Variants in SLX4IP observed in about 807,000 individuals in gnomAD.
SLX4IP encodes SLX4 interacting protein.
SLX4IP carries 34 observed loss-of-function variants against 32.9 expected under a neutral mutation model. That is an observed-to-expected ratio of 1.03 (90% CI 0.79 to 1.38). SLX4IP has a LOEUF of 1.38. SLX4IP is among the 40% of genes most tolerant of loss of function. SLX4IP has a pLI of 0.00. For synonymous variants in SLX4IP, 172 were observed against 171.7 expected (o/e 1.00, Z -0.01); for missense variants, 444 against 479.0 (o/e 0.93, Z 0.68).
chr20:10,511,881 A>C (rs1179500515), intron 2 of SLX4IP, among the ~76,000 whole-genome samples: 1 of 152,234 alleles, frequency 6.6e-6, no homozygotes, highest in Non-Finnish European at 1.5e-5. Context: ...ATGAAACTAA[A>C]ATTTATTGAA....
At chr20:10,609,042 C>T (rs563551811) in intron 6 of SLX4IP, among the ~76,000 whole-genome samples, 98 of 152,192 alleles carry the variant, frequency 6.4e-4, no homozygotes, top group Middle Eastern at 3.4e-3. Context: ...AAACTTGTGA[C>T]CTTCAGTGGG....
chr20:10,572,391 A>C (rs924026100), intron 4 of SLX4IP, among the ~76,000 whole-genome samples: 1 of 152,160 alleles, frequency 6.6e-6, no homozygotes, highest in Non-Finnish European at 1.5e-5. Flanking sequence ...AACTAGGAGC[A>C]GTATTCTGCT....
At position 10,514,219 on chromosome 20, in the gene SLX4IP, G is replaced by A. The variant is rs150161803; in HGVS notation, c.28-42012G>A. Among the ~76,000 whole-genome samples the A allele has an allele frequency of 6.4e-3, 979 of 152,158 alleles. 12 individuals are homozygous for A. The highest frequency in any genetic ancestry group is 0.022 in the African/African-American group (909 of 41,492). On this transcript the variant is annotated intron_variant, in intron 2 of 7. Transcript: ENST00000334534. ...TGGGAAACCGGTGAATATGCCTCCT[G>A]GCCCCAACTTTTTAAAATGTATCCT...
chr20:10,477,022 T>C (rs1326954123), intron 2 of SLX4IP, among the ~76,000 whole-genome samples: 1 of 152,222 alleles, frequency 6.6e-6, no homozygotes, highest in East Asian at 1.9e-4. Flanking sequence ...GTTTAAATTC[T>C]AAGAAATATT....
chr20:10,596,903 A>G (rs531409869), intron 4 of SLX4IP, among the ~76,000 whole-genome samples: 20 of 152,344 alleles, frequency 1.3e-4, no homozygotes, highest in African/African-American at 4.3e-4. Flanking sequence ...TTTTAAGCAG[A>G]AGAAAGCCAC....
chr20:10,514,795 G>C (rs142815007), intron 2 of SLX4IP, among the ~76,000 whole-genome samples: 31 of 152,310 alleles, frequency 2.0e-4, no homozygotes, highest in African/African-American at 7.5e-4. Flanking sequence ...TATTAATGTA[G>C]TGCTTTGTAC....
intron 4 of SLX4IP, among the ~76,000 whole-genome samples, chr20:10,586,678 G>GA (rs1278044726): frequency 2.0e-5 from 3 of 151,576 alleles, no homozygotes; most frequent in South Asian, 2.1e-4. Flanking sequence ...TATTAGTAAT[G>GA]AAAAAAAGAC....
At chr20:10,470,402 T>C (rs1410359762) in intron 2 of SLX4IP, among the ~76,000 whole-genome samples, 1 of 152,134 alleles carries the variant, frequency 6.6e-6, no homozygotes, top group East Asian at 1.9e-4. Context: ...CGATGCATAG[T>C]GTTTGCTAAT....
intron 4 of SLX4IP, among the ~76,000 whole-genome samples, chr20:10,562,360 GGCCGCCCA>G (rs1324726415): frequency 4.6e-5 from 7 of 152,102 alleles, no homozygotes; most frequent in Non-Finnish European, 7.4e-5. Context: ...CCTGGAGTTG[GGCCGCCCA>G]GCTGCCGGAC....
intron 2 of SLX4IP, among the ~76,000 whole-genome samples, chr20:10,544,695 T>TC (rs2066144382): frequency 6.6e-6 from 1 of 152,168 alleles, no homozygotes; most frequent in African/African-American, 2.4e-5. Context: ...CCTTTTTTTT[T>TC]CTTTTTAAAG....
intron 2 of SLX4IP, among the ~76,000 whole-genome samples, chr20:10,495,714 A>G (rs1197182632): frequency 6.6e-6 from 1 of 152,180 alleles, no homozygotes; most frequent in Non-Finnish European, 1.5e-5. Flanking sequence ...ATTGTTAGGT[A>G]TCCATCTTTA....
At position 10,560,830 on chromosome 20, in the gene SLX4IP, G is replaced by A; in HGVS notation, c.238+10G>A. On this transcript the variant is annotated intron_variant, in intron 4 of 7. Transcript: ENST00000334534. ...CCCTTGTCCTTAAAAGGTAGGCACA[G>A]AGCACTTTGATTTTGGACAAAAAAT... 1.9e-6 allele frequency: 3 copies of A among 1,561,818 alleles called. No individual in the cohort carries two copies. Among genetic ancestry groups the A allele is most frequent in the Non-Finnish European group, 2.6e-6 (3 of 1,158,584 alleles).
chr20:10,600,768 GGGAAGC>G (rs1422311878), intron 5 of SLX4IP, among the ~76,000 whole-genome samples: 1 of 152,126 alleles, frequency 6.6e-6, no homozygotes, highest in Non-Finnish European at 1.5e-5. Context: ...TCATGTAAGA[GGGAAGC>G]TTTCTCTGTT....
chr20:10,474,196 A>G (rs1271154129), intron 2 of SLX4IP, among the ~76,000 whole-genome samples: 2 of 152,136 alleles, frequency 1.3e-5, no homozygotes, highest in African/African-American at 2.4e-5. Flanking sequence ...GTTTACAGGC[A>G]TGAGCCACCA....
intron 4 of SLX4IP, among the ~76,000 whole-genome samples, chr20:10,563,478 C>T (rs950170809): frequency 2.0e-5 from 3 of 152,102 alleles, no homozygotes; most frequent in African/African-American, 7.2e-5. Flanking sequence ...AAATCCTTGC[C>T]TAGACCAATG....
chr20:10,545,094 T>C (rs1412052561), intron 2 of SLX4IP, among the ~76,000 whole-genome samples: 4 of 152,234 alleles, frequency 2.6e-5, no homozygotes, highest in East Asian at 1.9e-4. Context: ...ATGCTGTGGC[T>C]GCTGGTACTC....
intron 6 of SLX4IP, among the ~76,000 whole-genome samples, chr20:10,606,143 T>C (rs1268080821): frequency 6.6e-6 from 1 of 152,012 alleles, no homozygotes; most frequent in African/African-American, 2.4e-5. Context: ...ACAAAATAAT[T>C]TTGCACAAAG....
chr20:10,533,803 A>G lies in SLX4IP; in HGVS notation c.28-22428A>G, dbSNP rs539228718. 1.5e-3 allele frequency among the ~76,000 whole-genome samples: 230 copies of G among 151,740 alleles called. 2 individuals are homozygous for G. The highest frequency in any genetic ancestry group is 2.8e-3 in the Admixed American group (43 of 15,218). ...CCTGACTAATTTTTGTATTTTTGGT[A>G]GAGATGGGGCTTTGTCATGTTACCC... On this transcript the variant is annotated intron_variant, in intron 2 of 7. Transcript: ENST00000334534.
chr20:10,466,856 T>TA (rs34904076), intron 2 of SLX4IP, among the ~76,000 whole-genome samples: 72,528 of 148,724 alleles, frequency 0.49, 18,897 homozygotes, highest in Non-Finnish European at 0.6. Context: ...GAGATTTTAT[T>TA]AAAAAAAAAA....
Sources: gnomAD v4.1 joint callset for allele counts (sites outside exome capture counted in the v4.1 genomes callset) on GRCh38, gnomAD v4.1.1 for gene constraint, MANE v1.5 for transcripts, NCBI Gene and HGNC (gene_info 2026-07-23, HGNC 2026-07-21) for gene names.